LEPR: variants seen among roughly 807,000 people sequenced by gnomAD.
The protein encoded by LEPR is OB receptor.
A neutral mutation model predicts 114.7 loss-of-function variants in LEPR; 56 were observed. The ratio of observed to expected loss-of-function variants is 0.49; its 90% CI spans 0.39 to 0.61. The LOEUF is 0.61. LEPR is among the 20% of genes least tolerant of loss of function. The pLI, the probability that LEPR is intolerant of heterozygous loss-of-function variation, is 0.00. For synonymous variants in LEPR, 443 were observed against 461.4 expected (o/e 0.96, Z 0.51); for missense variants, 1,202 against 1,352.9 (o/e 0.89, Z 1.75).
At chr1:65,456,875 G>T (rs777282399) in intron 2 of LEPR, among the ~76,000 whole-genome samples, 7 of 151,970 alleles carry the variant, frequency 4.6e-5, no homozygotes, top group Non-Finnish European at 7.4e-5. Context: ...CTTGTTCTTT[G>T]ACCCTGTTTT....
At chr1:65,448,142 T>G (rs545217852) in intron 2 of LEPR, among the ~76,000 whole-genome samples, 13 of 152,340 alleles carry the variant, frequency 8.5e-5, no homozygotes, top group Admixed American at 8.5e-4. Flanking sequence ...TTAAGTATGA[T>G]GTTAGCTGCA....
intron 2 of LEPR, among the ~76,000 whole-genome samples, chr1:65,510,164 G>C (rs6672331): frequency 0.02 from 3,071 of 152,208 alleles, 36 homozygotes; most frequent in Non-Finnish European, 0.031. Context: ...TAGGATTACT[G>C]GTGATTTTAG....
At chr1:65,634,231 T>C (rs1010799894) in intron 19 of LEPR, 2 of 960,514 alleles carry the variant, frequency 2.1e-6, no homozygotes, top group Non-Finnish European at 2.5e-6. Context: ...TATATGTATA[T>C]ATGGATCCCT....
At chr1:65,428,229 G>A (rs1412794056) in intron 2 of LEPR, among the ~76,000 whole-genome samples, 4 of 152,042 alleles carry the variant, frequency 2.6e-5, no homozygotes, top group Non-Finnish European at 5.9e-5. Context: ...AAGGTTTCTT[G>A]TACATTAATA....
intron 5 of LEPR, among the ~76,000 whole-genome samples, chr1:65,581,584 T>A (rs1938487): frequency 1.3e-5 from 2 of 151,940 alleles, no homozygotes; most frequent in Admixed American, 6.5e-5. Flanking sequence ...CCATTAGATA[T>A]GATAAAAGCC....
intron 2 of LEPR, among the ~76,000 whole-genome samples, chr1:65,495,707 C>T (rs971205826): frequency 3.9e-5 from 6 of 152,060 alleles, no homozygotes; most frequent in African/African-American, 1.4e-4. Flanking sequence ...ACATGAGGGA[C>T]TATTATTCAA....
intron 2 of LEPR, among the ~76,000 whole-genome samples, chr1:65,551,122 A>G (rs1039707066): frequency 2.0e-5 from 3 of 152,014 alleles, no homozygotes; most frequent in African/African-American, 7.3e-5. Flanking sequence ...TTTTGCCAGT[A>G]TTTTATTGAG....
chr1:65,592,248 A>ATTTTTT (rs58700529), intron 5 of LEPR, among the ~76,000 whole-genome samples: 1 of 117,776 alleles, frequency 8.5e-6, no homozygotes, highest in Non-Finnish European at 1.8e-5. Flanking sequence ...ATCTGCTGTC[A>ATTTTTT]TTTTTTTTTT....
chr1:65,429,935 A>T, intron 2 of LEPR: 1 of 1,559,866 alleles, frequency 6.4e-7, no homozygotes, highest in South Asian at 1.2e-5. Context: ...CAAAAGAGTC[A>T]CCTATGACTC....
chr1:65,466,652 T>C (rs1178664357), intron 2 of LEPR, among the ~76,000 whole-genome samples: 2 of 152,218 alleles, frequency 1.3e-5, no homozygotes, highest in Non-Finnish European at 2.9e-5. Context: ...CCCCGTCACT[T>C]TTGGTACACC....
chr1:65,424,508 G>T (rs1377980845), intron 1 of LEPR, among the ~76,000 whole-genome samples: 1 of 151,908 alleles, frequency 6.6e-6, no homozygotes, highest in African/African-American at 2.4e-5. Context: ...TTGGATAGGG[G>T]TTAGGTACTG....
intron 2 of LEPR, among the ~76,000 whole-genome samples, chr1:65,455,103 G>A (rs916935872): frequency 3.3e-5 from 5 of 152,016 alleles, no homozygotes; most frequent in African/African-American, 1.2e-4. Flanking sequence ...CCTTCTTCAC[G>A]TAGTTCTCAA....
At chr1:65,485,765 A>C (rs1410031808) in intron 2 of LEPR, among the ~76,000 whole-genome samples, 1 of 152,188 alleles carries the variant, frequency 6.6e-6, no homozygotes, top group Non-Finnish European at 1.5e-5. Flanking sequence ...TATTGCTTAT[A>C]AAAATGTTCT....
At chr1:65,614,749 A>G (rs1404786000) in intron 14 of LEPR, among the ~76,000 whole-genome samples, 1 of 152,192 alleles carries the variant, frequency 6.6e-6, no homozygotes, top group African/African-American at 2.4e-5. Context: ...AGATATAGCT[A>G]GATTCTGGTT....
chr1:65,581,820 AT>A (rs1369741666), intron 5 of LEPR, among the ~76,000 whole-genome samples: 1 of 152,224 alleles, frequency 6.6e-6, no homozygotes, highest in African/African-American at 2.4e-5. Context: ...CCTTAAATAT[AT>A]CATTCAGTTC....
chr1:65,553,420 A>G (rs1459033687), intron 2 of LEPR, among the ~76,000 whole-genome samples: 1 of 151,162 alleles, frequency 6.6e-6, no homozygotes, highest in Non-Finnish European at 1.5e-5. Flanking sequence ...ATTTCTTTGC[A>G]TTCTTTTTTT....
chr1:65,519,459 C>T (rs1384264645), intron 2 of LEPR, among the ~76,000 whole-genome samples: 3 of 151,984 alleles, frequency 2.0e-5, no homozygotes, highest in Non-Finnish European at 2.9e-5. Context: ...CTCCAGCAGC[C>T]ACTTTCATGT....
intron 2 of LEPR, among the ~76,000 whole-genome samples, chr1:65,466,987 G>A (rs376046618): frequency 6.6e-6 from 1 of 152,210 alleles, no homozygotes; most frequent in East Asian, 1.9e-4. Flanking sequence ...TGCTGCTTTA[G>A]CTCGGGGAAG....
chr1:65,450,010 C>A (rs1436781977), intron 2 of LEPR, among the ~76,000 whole-genome samples: 3 of 151,752 alleles, frequency 2.0e-5, no homozygotes, highest in African/African-American at 7.3e-5. Flanking sequence ...CTCTTGTGAC[C>A]CATGTGTTAT....
Sources: allele counts gnomAD v4.1 joint callset (sites outside exome capture counted in the v4.1 genomes callset), GRCh38; gene constraint gnomAD v4.1.1; transcripts MANE v1.5; gene names NCBI Gene and HGNC (gene_info 2026-07-23, HGNC 2026-07-21).